Variants in OPCML observed in about 807,000 individuals in gnomAD.
OPCML encodes the protein opioid-binding protein/cell adhesion molecule.
Under a neutral mutation model 37.8 loss-of-function variants are expected in OPCML, and 13 were observed. That is an observed-to-expected ratio of 0.34 (90% CI 0.22 to 0.55). The LOEUF (loss-of-function observed/expected upper bound fraction) is 0.55. Ranked by LOEUF, OPCML falls within the 20% of genes least tolerant of loss-of-function variation. OPCML has a pLI of 0.91. For missense variants in OPCML, 341 were observed against 435.6 expected, an observed-to-expected ratio of 0.78 and a Z score of 1.93; for synonymous variants, 176 against 168.8, an observed-to-expected ratio of 1.04 and a Z score of -0.33.
rs115515883 is a variant in OPCML at position 132,832,999 on chromosome 11, T to C, written c.146+109927A>G. Reference sequence around the variant, plus strand: ...TTGCAGGACTGGAAGGTGCTCTGGCTAAGTCAGTCAGTGAGTGGTGAGTGG... The same window carrying C: ...TTGCAGGACTGGAAGGTGCTCTGGCCAAGTCAGTCAGTGAGTGGTGAGTGG... On this transcript the variant is annotated intron_variant, in intron 2 of 7. Transcript: ENST00000524381. Among the ~76,000 whole-genome samples the C allele has an allele frequency of 4.3e-3, 652 of 152,340 alleles. 5 individuals carry two copies. Among genetic ancestry groups the C allele is most frequent in the Middle Eastern group, 0.017 (5 of 294 alleles).
At chr11:133,312,644 T>C (rs1433186149) in intron 1 of OPCML, among the ~76,000 whole-genome samples, 1 of 152,228 alleles carries the variant, frequency 6.6e-6, no homozygotes, top group Non-Finnish European at 1.5e-5. Context: ...GTCTCAAGAT[T>C]GAATACTAAA....
chr11:133,390,704 T>C (rs949718701), intron 1 of OPCML, among the ~76,000 whole-genome samples: 22 of 152,084 alleles, frequency 1.4e-4, no homozygotes, highest in Non-Finnish European at 2.5e-4. Flanking sequence ...ATGTGAATTA[T>C]ATGGAGGAAG....
chr11:133,087,260 T>C (rs1365604158), intron 1 of OPCML, among the ~76,000 whole-genome samples: 1 of 152,216 alleles, frequency 6.6e-6, no homozygotes, highest in African/African-American at 2.4e-5. Context: ...TTGAAGAAGA[T>C]GTTAATAAGC....
At chr11:133,445,867 A>C (rs1331268545) in intron 1 of OPCML, among the ~76,000 whole-genome samples, 1 of 152,046 alleles carries the variant, frequency 6.6e-6, no homozygotes, top group African/African-American at 2.4e-5. Flanking sequence ...TGGAAGATAT[A>C]AAGTTGATTG....
chr11:133,106,299 G>C (rs891845010), intron 1 of OPCML, among the ~76,000 whole-genome samples: 3 of 152,134 alleles, frequency 2.0e-5, no homozygotes, highest in Non-Finnish European at 4.4e-5. Context: ...TGTCCATTTG[G>C]GCCTGCAGGT....
intron 2 of OPCML, among the ~76,000 whole-genome samples, chr11:132,938,817 C>T (rs1488820618): frequency 2.0e-5 from 3 of 152,142 alleles, no homozygotes; most frequent in Admixed American, 2.0e-4. Context: ...TGCTCAGAGG[C>T]TCTAGGGCCA....
At chr11:132,945,003 T>C (rs1345686012) in intron 1 of OPCML, among the ~76,000 whole-genome samples, 1 of 152,272 alleles carries the variant, frequency 6.6e-6, no homozygotes, top group African/African-American at 2.4e-5. Context: ...TACTACTTGC[T>C]TTCAGTTCTG....
chr11:132,804,223 C>T (rs913243656), intron 2 of OPCML, among the ~76,000 whole-genome samples: 1 of 152,120 alleles, frequency 6.6e-6, no homozygotes, highest in African/African-American at 2.4e-5. Context: ...CCCCACAATT[C>T]GCCGGGTTTC....
At chr11:133,508,019 A>G (rs758658419) in intron 1 of OPCML, among the ~76,000 whole-genome samples, 1 of 152,088 alleles carries the variant, frequency 6.6e-6, no homozygotes, top group Non-Finnish European at 1.5e-5. Flanking sequence ...CCCCAACACT[A>G]GATATTAGGA....
intron 2 of OPCML, among the ~76,000 whole-genome samples, chr11:132,851,552 C>T (rs552237398): frequency 9.9e-5 from 15 of 152,216 alleles, no homozygotes; most frequent in Middle Eastern, 3.4e-3. Flanking sequence ...ACTTTTACTA[C>T]GATATTTCTT....
chr11:133,089,480 G>T (rs183640051), intron 1 of OPCML, among the ~76,000 whole-genome samples: 1 of 152,120 alleles, frequency 6.6e-6, no homozygotes, highest in Non-Finnish European at 1.5e-5. Flanking sequence ...TAACTTACTC[G>T]TTTGGAGATA....
At chr11:133,095,132 T>C (rs141862192) in intron 1 of OPCML, among the ~76,000 whole-genome samples, 19 of 152,148 alleles carry the variant, frequency 1.2e-4, no homozygotes, top group Middle Eastern at 3.4e-3. Context: ...AGCTGTTCTA[T>C]TGGTGCCAGA....
intron 1 of OPCML, among the ~76,000 whole-genome samples, chr11:133,447,830 A>T (rs1413868567): frequency 1.3e-5 from 2 of 152,252 alleles, no homozygotes; most frequent in Non-Finnish European, 2.9e-5. Context: ...AGTGATGAAC[A>T]TACAATGCAA....
At chr11:133,466,178 T>A (rs1946974054) in intron 1 of OPCML, among the ~76,000 whole-genome samples, 1 of 147,584 alleles carries the variant, frequency 6.8e-6, no homozygotes, top group South Asian at 2.1e-4. Flanking sequence ...TAATGTACAC[T>A]TTTTGATGTG....
intron 1 of OPCML, among the ~76,000 whole-genome samples, chr11:133,364,308 T>C (rs1944491778): frequency 6.6e-6 from 1 of 152,230 alleles, no homozygotes; most frequent in South Asian, 2.1e-4. Flanking sequence ...ATGAAGTAGA[T>C]ATTAATATTT....
intron 1 of OPCML, among the ~76,000 whole-genome samples, chr11:133,355,337 A>G (rs1944258417): frequency 6.6e-6 from 1 of 152,226 alleles, no homozygotes; most frequent in Non-Finnish European, 1.5e-5. Context: ...GGAATTAACC[A>G]ATTTTCACAA....
At chr11:132,965,935 T>C (rs1946204354) in intron 1 of OPCML, among the ~76,000 whole-genome samples, 1 of 152,210 alleles carries the variant, frequency 6.6e-6, no homozygotes, top group Non-Finnish European at 1.5e-5. Flanking sequence ...ATCTTTTCTT[T>C]CTTTTCATGT....
intron 2 of OPCML, among the ~76,000 whole-genome samples, chr11:132,820,005 C>A (rs1939879987): frequency 6.6e-6 from 1 of 152,108 alleles, no homozygotes; most frequent in South Asian, 2.1e-4. Flanking sequence ...TCCCTGTCTG[C>A]ATCTTCACTC....
chr11:132,614,266 TCCC>T (rs149018795), intron 3 of OPCML, among the ~76,000 whole-genome samples: 91 of 152,184 alleles, frequency 6.0e-4, no homozygotes, highest in Non-Finnish European at 9.7e-4. Flanking sequence ...TCTCCCTGCT[TCCC>T]CCATCAGATT....
Sources: allele counts gnomAD v4.1 joint callset (sites outside exome capture counted in the v4.1 genomes callset), GRCh38; gene constraint gnomAD v4.1.1; transcripts MANE v1.5; gene names NCBI Gene and HGNC (gene_info 2026-07-23, HGNC 2026-07-21).